PRIM2: variants seen among roughly 807,000 people sequenced by gnomAD.
The protein encoded by PRIM2 is DNA primase large subunit.
Under a neutral mutation model 67.3 loss-of-function variants are expected in PRIM2, and 39 were observed. The ratio of observed to expected loss-of-function variants is 0.58; its 90% CI spans 0.45 to 0.76. The LOEUF (loss-of-function observed/expected upper bound fraction) is 0.76, where lower values mean the gene tolerates loss of function less well. PRIM2 is among the 30% of genes least tolerant of loss of function. The pLI, the probability that PRIM2 is intolerant of heterozygous loss-of-function variation, is 0.00. For synonymous variants in PRIM2, 143 were observed against 198.7 expected (o/e 0.72, Z 2.36); for missense variants, 398 against 598.7 (o/e 0.66, Z 3.50).
intron 7 of PRIM2, among the ~76,000 whole-genome samples, chr6:57,462,921 T>C (rs1432023592): frequency 6.6e-6 from 1 of 152,192 alleles, no homozygotes; most frequent in Non-Finnish European, 1.5e-5. Flanking sequence ...TTAAAACAAA[T>C]GTAGTCGGAC....
intron 5 of PRIM2, chr6:57,326,303 A>G (rs969263073): frequency 6.6e-6 from 2 of 301,016 alleles, no homozygotes; most frequent in African/African-American, 2.2e-5. Context: ...GGTTTAGTTT[A>G]TAAAGGTTCA....
intron 7 of PRIM2, among the ~76,000 whole-genome samples, chr6:57,471,247 A>G (rs1237432295): frequency 6.6e-6 from 1 of 152,152 alleles, no homozygotes; most frequent in Non-Finnish European, 1.5e-5. Flanking sequence ...AAACAAATAG[A>G]GGAGAGAGAT....
rs1431849764 is a variant in PRIM2 at position 57,617,206 on chromosome 6, C to A, written c.1230+10749C>A. Reference sequence around the variant, plus strand: ...GTAGATGCATCACTCCAAACTCTATCTTTATTTTCACATGGCTTCCTCCCT... The same window carrying A: ...GTAGATGCATCACTCCAAACTCTATATTTATTTTCACATGGCTTCCTCCCT... On this transcript the variant is annotated intron_variant, in intron 12 of 13. Coordinates refer to ENST00000615550, the MANE Select transcript of PRIM2 (RefSeq NM_000947.5). 3.9e-5 allele frequency among the ~76,000 whole-genome samples: 6 copies of A among 152,342 alleles called. No homozygotes were observed. The East Asian group carries it at 1.2e-3, about 29-fold the overall frequency.
intron 10 of PRIM2, among the ~76,000 whole-genome samples, chr6:57,592,841 A>G (rs1462010524): frequency 1.3e-5 from 2 of 151,714 alleles, no homozygotes; most frequent in Non-Finnish European, 2.9e-5. Context: ...TTTTCCTTGT[A>G]GGAAAGACTT....
At chr6:57,407,382 A>G (rs1770925988) in intron 7 of PRIM2, among the ~76,000 whole-genome samples, 2 of 151,888 alleles carry the variant, frequency 1.3e-5, no homozygotes, top group African/African-American at 4.8e-5. Context: ...CTTCTTGTAG[A>G]TGGCTGAAAA....
the PRIM2 span, among the ~76,000 whole-genome samples, chr6:57,267,264 G>T: frequency 1.2e-4 from 18 of 151,988 alleles, no homozygotes; most frequent in Non-Finnish European, 2.4e-4. Context: ...CCATTTTTTT[G>T]GTATTCATTA....
At chr6:57,534,523 G>T (rs1774959250) in intron 9 of PRIM2, among the ~76,000 whole-genome samples, 1 of 151,766 alleles carries the variant, frequency 6.6e-6, no homozygotes, top group East Asian at 1.9e-4. Flanking sequence ...TTATTATTTG[G>T]ACTACTGCCC....
Position 57,612,617 on chromosome 6 carries a change from T to C in PRIM2, c.1230+6160T>C, listed in dbSNP as rs1776687198. Among the ~76,000 whole-genome samples the C allele has an allele frequency of 3.3e-5, 5 of 152,298 alleles. No homozygotes were observed. The South Asian group carries it at 8.3e-4, about 25-fold the overall frequency. On this transcript the variant is annotated intron_variant, in intron 12 of 13. Transcript: ENST00000615550. ...GGGTAATGGGAATGATCTGTGTTGA[T>C]TGCAGGGTAATATCAAAACTGAATT... is the stretch of plus-strand genomic sequence containing the variant.
chr6:57,634,519 A>G (rs1471448100), intron 13 of PRIM2, among the ~76,000 whole-genome samples: 6 of 152,282 alleles, frequency 3.9e-5, no homozygotes, highest in Non-Finnish European at 8.8e-5. Flanking sequence ...CGGAGACTGC[A>G]TTCTTTAATT....
At chr6:57,593,698 T>A (rs1170169212) in intron 10 of PRIM2, among the ~76,000 whole-genome samples, 1 of 152,264 alleles carries the variant, frequency 6.6e-6, no homozygotes, top group African/African-American at 2.4e-5. Context: ...AAATACAGTC[T>A]CTGTACAATA....
intron 7 of PRIM2, among the ~76,000 whole-genome samples, chr6:57,411,504 C>T (rs570907628): frequency 6.6e-6 from 1 of 151,066 alleles, no homozygotes; most frequent in African/African-American, 2.4e-5. Context: ...AGCCTGGAGA[C>T]GTCGAGGTTG....
chr6:57,408,137 T>C (rs1366084392), intron 7 of PRIM2, among the ~76,000 whole-genome samples: 1 of 152,254 alleles, frequency 6.6e-6, no homozygotes, highest in Non-Finnish European at 1.5e-5. Flanking sequence ...ATCATTGTGA[T>C]ATGGCTTCGA....
intron 10 of PRIM2, among the ~76,000 whole-genome samples, chr6:57,596,343 G>A (rs1395041833): frequency 2.6e-4 from 39 of 151,934 alleles, no homozygotes; most frequent in African/African-American, 8.9e-4. Context: ...AAGCATTAAA[G>A]GACATGAAAG....
chr6:57,479,152 A>G (rs1773552046), intron 7 of PRIM2, among the ~76,000 whole-genome samples: 1 of 152,250 alleles, frequency 6.6e-6, no homozygotes. Flanking sequence ...ACCTAAAAAA[A>G]GAAAAAAGGA....
the PRIM2 span, among the ~76,000 whole-genome samples, chr6:57,283,527 A>G: frequency 5.9e-5 from 9 of 152,194 alleles, no homozygotes; most frequent in African/African-American, 2.2e-4. Flanking sequence ...GAAGATTAAT[A>G]TAGCGTTAAG....
intron 5 of PRIM2, among the ~76,000 whole-genome samples, chr6:57,371,573 A>G (rs2127324305): frequency 6.6e-6 from 1 of 152,352 alleles, no homozygotes; most frequent in Admixed American, 6.5e-5. Context: ...CAAACAATAC[A>G]TGTAATCAAT....
intron 7 of PRIM2, among the ~76,000 whole-genome samples, chr6:57,499,636 T>G (rs1774088249): frequency 6.6e-6 from 1 of 152,226 alleles, no homozygotes; most frequent in Non-Finnish European, 1.5e-5. Context: ...ACGTTTCCCT[T>G]TTTCTTTCGG....
At chr6:57,267,484 C>T in the PRIM2 span, among the ~76,000 whole-genome samples, 8,936 of 152,062 alleles carry the variant, frequency 0.059, 600 homozygotes, top group African/African-American at 0.16. Flanking sequence ...GCAACCTCAT[C>T]CATTTAGTCC....
At chr6:57,335,592 G>A (rs944136978) in intron 5 of PRIM2, among the ~76,000 whole-genome samples, 34 of 152,330 alleles carry the variant, frequency 2.2e-4, no homozygotes, top group African/African-American at 7.9e-4. Flanking sequence ...GCACCCCCCA[G>A]CAGGGGCAGA....
Sources: allele counts gnomAD v4.1 joint callset (sites outside exome capture counted in the v4.1 genomes callset), GRCh38; gene constraint gnomAD v4.1.1; transcripts MANE v1.5; gene names NCBI Gene and HGNC (gene_info 2026-07-23, HGNC 2026-07-21).